GUCY1A1: variants seen among roughly 807,000 people sequenced by gnomAD.
The protein encoded by GUCY1A1 is guanylate cyclase 1 soluble subunit alpha 1.
GUCY1A1 carries 48 observed loss-of-function variants against 64.5 expected under a neutral mutation model. The ratio of observed to expected loss-of-function variants is 0.74; its 90% CI spans 0.59 to 0.95. The LOEUF (loss-of-function observed/expected upper bound fraction) is 0.95, where lower values mean the gene tolerates loss of function less well. Among genes scored for constraint, GUCY1A1 ranks in the 40% least tolerant of loss-of-function variants. GUCY1A1 has a pLI of 0.00. For missense variants in GUCY1A1, 804 were observed against 825.3 expected, an observed-to-expected ratio of 0.97 and a Z score of 0.32; for synonymous variants, 308 against 303.4, an observed-to-expected ratio of 1.02 and a Z score of -0.16.
At chr4:155,669,075 T>C (rs147736094) in intron 2 of GUCY1A1, among the ~76,000 whole-genome samples, 7 of 152,278 alleles carry the variant, frequency 4.6e-5, no homozygotes, top group African/African-American at 1.4e-4. Flanking sequence ...ACATACAGCC[T>C]GCAGACATAG....
rs1387945805 is a variant in GUCY1A1, at chr4:155,736,464, G to GA, written c.*6235dup. 2 of 151,936 alleles carry GA rather than the reference G, an allele frequency of 1.3e-5. No individual in the cohort carries two copies. Among genetic ancestry groups the GA allele is most frequent in the Non-Finnish European group, 2.9e-5 (2 of 67,920 alleles). 9.4% of individuals were successfully genotyped at this position (151,936 alleles called of 1,614,324 possible). ...GAATCTACTCCTAGACCACCCTAGT[G>GA]AAGTACCATAGACCATATTGTCTAG... On this transcript the variant is annotated 3_prime_UTR_variant, in exon 10 of 10. Transcript: ENST00000506455.
At chr4:155,668,268 G>A (rs1039116244) in intron 2 of GUCY1A1, 1 of 152,232 alleles carries the variant, frequency 6.6e-6, no homozygotes, top group African/African-American at 2.4e-5. Context: ...ATTTTCACAT[G>A]GTTATTCTTT....
At chr4:155,682,550 T>C (rs1343747569) in intron 2 of GUCY1A1, among the ~76,000 whole-genome samples, 1 of 152,016 alleles carries the variant, frequency 6.6e-6, no homozygotes, top group African/African-American at 2.4e-5. Context: ...TGTGTGCCTG[T>C]AATCCCAACT....
Position 155,717,196 on chromosome 4 carries a change from G to A in GUCY1A1, c.1610G>A (p.Gly537Glu). The change falls in exon 8 of 10, where the codon GGA (glycine) becomes GAA (glutamate). Residue 537 changes from glycine (G) to glutamate (E), a missense_variant. By Grantham distance (98) the Gly-to-Glu change is moderately conservative (BLOSUM62 -2). Coordinates refer to ENST00000506455, the MANE Select transcript of GUCY1A1 (RefSeq NM_001130682.3). ...GGCGATGCCTATTGTGTAGCTGGGG[G>A]ATTACACAAAGAGAGTGATACTCAT... is the stretch of plus-strand genomic sequence containing the variant. Reference protein sequence around the residue: ...TIGDAYCVAGGLHKESDTHAV... With the variant: ...TIGDAYCVAGELHKESDTHAV... The A allele has an allele frequency of 1.9e-6, 3 of 1,553,788 alleles. No individual in the cohort carries two copies. The highest frequency in any genetic ancestry group is 2.6e-6 in the Non-Finnish European group (3 of 1,142,430).
intron 5 of GUCY1A1, among the ~76,000 whole-genome samples, chr4:155,708,825 C>T (rs963448576): frequency 3.3e-5 from 5 of 152,070 alleles, no homozygotes; most frequent in Non-Finnish European, 5.9e-5. Flanking sequence ...TTGAGGCCCC[C>T]CTAGGAGCAA....
chr4:155,724,225 T>C (rs1734359994), intron 9 of GUCY1A1, among the ~76,000 whole-genome samples: 1 of 152,142 alleles, frequency 6.6e-6, no homozygotes, highest in South Asian at 2.1e-4. Flanking sequence ...AACTTTTCTG[T>C]GGAAATTAAC....
chr4:155,693,062 C>CA (rs1002321716), intron 2 of GUCY1A1, among the ~76,000 whole-genome samples: 1,669 of 140,896 alleles, frequency 0.012, 26 homozygotes, highest in African/African-American at 0.04. Context: ...CTGTCTCCAA[C>CA]AAAAAAAAAA....
intron 3 of GUCY1A1, among the ~76,000 whole-genome samples, chr4:155,702,958 CT>C (rs1731284768): frequency 6.7e-6 from 1 of 150,102 alleles, no homozygotes; most frequent in Non-Finnish European, 1.5e-5. Context: ...ATCAATGGTT[CT>C]ATATATATAA....
At chr4:155,724,833 T>C (rs1734441887) in intron 9 of GUCY1A1, among the ~76,000 whole-genome samples, 1 of 152,106 alleles carries the variant, frequency 6.6e-6, no homozygotes, top group East Asian at 1.9e-4. Context: ...CTATTCCATA[T>C]TTCCACTTGG....
intron 7 of GUCY1A1, among the ~76,000 whole-genome samples, chr4:155,714,925 T>A (rs2126887019): frequency 6.6e-6 from 1 of 152,302 alleles, no homozygotes; most frequent in Admixed American, 6.5e-5. Flanking sequence ...CGGTCTCCTG[T>A]CTTAGAATTG....
chr4:155,731,431 G>A lies in GUCY1A1; in HGVS notation c.*1200G>A, dbSNP rs369523631. 1.3e-5 allele frequency: 2 copies of A among 151,606 alleles called. No individual in the cohort carries two copies. The highest frequency in any genetic ancestry group is 4.8e-5 in the African/African-American group (2 of 41,336). 9.4% of individuals were successfully genotyped at this position (151,606 alleles called of 1,614,324 possible). A position where few individuals can be genotyped will look rare whatever the true frequency, so the allele number is the denominator to read the frequency against. ...TGAAATATCTTGACTTAAAAAAAAC[G>A]ACTGTTAGTATTGATGAAGCAAATG... On this transcript the variant is annotated 3_prime_UTR_variant, in exon 10 of 10. Transcript: ENST00000506455.
chr4:155,734,867 C>G lies in GUCY1A1; in HGVS notation c.*4636C>G, dbSNP rs1735907840. 1 of 151,882 alleles carries G rather than the reference C, an allele frequency of 6.6e-6. No individual in the cohort carries two copies. Among genetic ancestry groups the G allele is most frequent in the Admixed American group, 6.6e-5 (1 of 15,216 alleles). 9.4% of individuals were successfully genotyped at this position (151,882 alleles called of 1,614,324 possible). On this transcript the variant is annotated 3_prime_UTR_variant, in exon 10 of 10. Coordinates refer to ENST00000506455, the MANE Select transcript of GUCY1A1 (RefSeq NM_001130682.3). Reference sequence around the variant, plus strand: ...TCTCTGTTATGATACTTTTCAAGACCTGGGAAATATTTGTATCCTTTAGTG... The same window carrying G: ...TCTCTGTTATGATACTTTTCAAGACGTGGGAAATATTTGTATCCTTTAGTG...
chr4:155,667,380 A>G lies in GUCY1A1; in HGVS notation c.-152A>G, dbSNP rs1733453107. The G allele has an allele frequency of 6.6e-6, 1 of 152,368 alleles. No individual in the cohort carries two copies. Among genetic ancestry groups the G allele is most frequent in the South Asian group, 2.1e-4 (1 of 4,830 alleles). The allele number at this position is 152,368 out of a possible 1,614,324, so 9.4% of individuals were successfully genotyped here. ...GCGAGGCGCGCCCTGGAGCTGCTAG[A>G]GATCCGGAAGCACAGCCCCGAGGTG... On this transcript the variant is annotated 5_prime_UTR_variant, in exon 2 of 10. Coordinates refer to ENST00000506455, the MANE Select transcript of GUCY1A1 (RefSeq NM_001130682.3).
Position 155,706,419 on chromosome 4 carries a change from C to CT in GUCY1A1, c.318-1811dup, listed in dbSNP as rs1018850879. Among the ~76,000 whole-genome samples, 2 of 152,018 alleles carry CT rather than the reference C, an allele frequency of 1.3e-5. 1 individual carries two copies. Among genetic ancestry groups the CT allele is most frequent in the Admixed American group, 1.3e-4 (2 of 15,266 alleles). On this transcript the variant is annotated intron_variant, in intron 4 of 9. Coordinates refer to ENST00000506455, the MANE Select transcript of GUCY1A1 (RefSeq NM_001130682.3). ...GCCAACTGCTGAACACAACTTAACTCTTTTTTGTGCTGCTTATTCTCTTCT... is the reference window on the plus strand; with the variant it reads ...GCCAACTGCTGAACACAACTTAACTCTTTTTTTGTGCTGCTTATTCTCTTCT...
rs556335340 is a variant in GUCY1A1, at chr4:155,676,507, G to A, written c.-113+9088G>A. Among the ~76,000 whole-genome samples, 46 of 151,402 alleles carry A rather than the reference G, an allele frequency of 3.0e-4. 1 individual carries two copies. The highest frequency in any genetic ancestry group is 4.6e-4 in the Non-Finnish European group (31 of 68,028). Reference sequence around the variant, plus strand: ...AAATTAGTAGTTGCATGTTGTCACCGTCTATTTTGTACACAGTGAAAAGGT... The same window carrying A: ...AAATTAGTAGTTGCATGTTGTCACCATCTATTTTGTACACAGTGAAAAGGT... On this transcript the variant is annotated intron_variant, in intron 2 of 9. Transcript: ENST00000506455.
In GUCY1A1 at chr4:155,733,710, G is replaced by A. The variant is rs953727718; in HGVS notation, c.*3479G>A. 2.0e-5 allele frequency among the ~76,000 whole-genome samples: 3 copies of A among 150,628 alleles called. No individual in the cohort carries two copies. The highest frequency in any genetic ancestry group is 7.3e-5 in the African/African-American group (3 of 40,998). On this transcript the variant is annotated 3_prime_UTR_variant, in exon 10 of 10. Transcript: ENST00000506455. ...AACATGAGTAAAATTAGATCCATTG[G>A]CTACTGACTCCCTCTCCAACAGTTT...
At chr4:155,690,323 C>T (rs1044478377) in intron 2 of GUCY1A1, among the ~76,000 whole-genome samples, 20 of 152,292 alleles carry the variant, frequency 1.3e-4, no homozygotes, top group Admixed American at 6.5e-4. Context: ...CTCAGAATTA[C>T]TTCTGCAATT....
At chr4:155,676,622 G>C (rs561811790) in intron 2 of GUCY1A1, among the ~76,000 whole-genome samples, 1 of 151,400 alleles carries the variant, frequency 6.6e-6, no homozygotes, top group Non-Finnish European at 1.5e-5. Context: ...GCTGCAGAGC[G>C]TGTGTTAAAA....
At position 155,732,160 on chromosome 4, in the gene GUCY1A1, A is replaced by T. The variant is rs1016128689; in HGVS notation, c.*1929A>T. 6.6e-6 allele frequency: 1 copy of T among 151,892 alleles called. No individual in the cohort carries two copies. Among genetic ancestry groups the T allele is most frequent in the Non-Finnish European group, 1.5e-5 (1 of 67,880 alleles). 9.4% of individuals were successfully genotyped at this position (151,892 alleles called of 1,614,324 possible). On this transcript the variant is annotated 3_prime_UTR_variant, in exon 10 of 10. Transcript: ENST00000506455. ...TCAATTTGCTTACAATCTGTACTCA[A>T]AAAGTTTATAATTCAATCAGAATTC...
Sources: gnomAD v4.1 joint callset for allele counts (sites outside exome capture counted in the v4.1 genomes callset) on GRCh38, gnomAD v4.1.1 for gene constraint, MANE v1.5 for transcripts, NCBI Gene and HGNC (gene_info 2026-07-23, HGNC 2026-07-21) for gene names.